The following SLC25A26 variants were observed in gnomAD, a reference collection of about 807,000 sequenced individuals.
SLC25A26 encodes the protein solute carrier family 25 member 26.
SLC25A26 carries 36 observed loss-of-function variants against 37.8 expected under a neutral mutation model. The observed-to-expected ratio is 0.95, with a 90% confidence interval of 0.73 to 1.26. The LOEUF (loss-of-function observed/expected upper bound fraction) is 1.26, where lower values mean the gene tolerates loss of function less well. SLC25A26 is among the 50% of genes most tolerant of loss of function. SLC25A26 has a pLI of 0.00. For synonymous variants in SLC25A26, 129 were observed against 122.5 expected (o/e 1.05, Z -0.35); for missense variants, 390 against 331.1 (o/e 1.18, Z -1.38).
chr3:66,266,376 G>A lies in SLC25A26; in HGVS notation c.453+2997G>A, dbSNP rs140449626. Reference sequence around the variant, plus strand: ...AATATAAAATCTTTTTGCCAAGAGCGTGTCTGTTGTTTCAATAAGAAAATA... The same window carrying A: ...AATATAAAATCTTTTTGCCAAGAGCATGTCTGTTGTTTCAATAAGAAAATA... On this transcript the variant is annotated intron_variant, in intron 5 of 9. Coordinates refer to ENST00000354883, the MANE Select transcript of SLC25A26 (RefSeq NM_001379210.1). Among the ~76,000 whole-genome samples, 5 of 152,234 alleles carry A rather than the reference G, an allele frequency of 3.3e-5. No individual in the cohort carries two copies. In the East Asian group the frequency reaches 9.6e-4, roughly 29 times the overall value.
chr3:66,156,692 T>C (rs530925105), intron 1 of SLC25A26, among the ~76,000 whole-genome samples: 3 of 152,198 alleles, frequency 2.0e-5, no homozygotes, highest in Non-Finnish European at 4.4e-5. Flanking sequence ...GGGCCACCCT[T>C]TGTAACTCTT....
intron 1 of SLC25A26, among the ~76,000 whole-genome samples, chr3:66,143,792 G>T (rs1238135224): frequency 6.6e-6 from 1 of 152,070 alleles, no homozygotes; most frequent in East Asian, 1.9e-4. Flanking sequence ...GAGATAGGAG[G>T]GTTGCTTGAG....
intron 1 of SLC25A26, among the ~76,000 whole-genome samples, chr3:66,163,870 C>G (rs2070391623): frequency 6.6e-6 from 1 of 152,052 alleles, no homozygotes; most frequent in African/African-American, 2.4e-5. Flanking sequence ...ATTTTGTGCC[C>G]CAGGGGGATA....
chr3:66,312,042 C>T (rs2075393643), intron 5 of SLC25A26, among the ~76,000 whole-genome samples: 1 of 152,234 alleles, frequency 6.6e-6, no homozygotes, highest in African/African-American at 2.4e-5. Flanking sequence ...CCACTCCTCT[C>T]TTCAGAGCTG....
chr3:66,289,896 A>G (rs1235283149), intron 5 of SLC25A26, among the ~76,000 whole-genome samples: 1 of 152,136 alleles, frequency 6.6e-6, no homozygotes, highest in Admixed American at 6.5e-5. Context: ...TGAATCTATA[A>G]ATTACTTTGA....
In SLC25A26 at chr3:66,308,065, G is replaced by T. The variant is rs140676342; in HGVS notation, c.454-38299G>T. ...AGTCAATGGTAGCTTGATGGGGGTA[G>T]CATTGAATCTATAAATTACTTTGGG... On this transcript the variant is annotated intron_variant, in intron 5 of 9. Transcript: ENST00000354883. Among the ~76,000 whole-genome samples the T allele has an allele frequency of 4.9e-3, 747 of 152,266 alleles. 10 individuals carry two copies. Among genetic ancestry groups the T allele is most frequent in the African/African-American group, 0.017 (701 of 41,548 alleles).
intron 1 of SLC25A26, among the ~76,000 whole-genome samples, chr3:66,223,640 T>C (rs148111936): frequency 6.6e-6 from 1 of 152,182 alleles, no homozygotes; most frequent in South Asian, 2.1e-4. Context: ...ATGAAAAGCC[T>C]AGATGATTGC....
intron 5 of SLC25A26, among the ~76,000 whole-genome samples, chr3:66,320,673 C>T (rs2075670254): frequency 6.6e-6 from 1 of 152,188 alleles, no homozygotes; most frequent in Admixed American, 6.5e-5. Flanking sequence ...CTGTTTTCCA[C>T]AGTGGCTGCA....
intron 9 of SLC25A26, among the ~76,000 whole-genome samples, chr3:66,371,969 C>T (rs1431960778): frequency 2.0e-5 from 3 of 152,088 alleles, no homozygotes; most frequent in African/African-American, 4.8e-5. Context: ...TGTGGTCGCA[C>T]GCACCTGTAG....
At chr3:66,311,712 T>G (rs1305973221) in intron 5 of SLC25A26, among the ~76,000 whole-genome samples, 2 of 152,128 alleles carry the variant, frequency 1.3e-5, no homozygotes, top group Non-Finnish European at 2.9e-5. Context: ...TGTTATTGCT[T>G]TATGTTTGTT....
chr3:66,172,467 A>C (rs1351474352), intron 1 of SLC25A26, among the ~76,000 whole-genome samples: 1 of 151,750 alleles, frequency 6.6e-6, no homozygotes, highest in Non-Finnish European at 1.5e-5. Context: ...AAGAAAGAAA[A>C]AAATAAATTT....
intron 5 of SLC25A26, among the ~76,000 whole-genome samples, chr3:66,295,018 A>G (rs1027383586): frequency 2.0e-5 from 3 of 152,232 alleles, no homozygotes; most frequent in East Asian, 1.9e-4. Context: ...AGTTAGACGT[A>G]TGCTGAATCT....
intron 6 of SLC25A26, among the ~76,000 whole-genome samples, chr3:66,348,704 G>C (rs2076382903): frequency 6.6e-6 from 1 of 152,194 alleles, no homozygotes; most frequent in Admixed American, 6.5e-5. Flanking sequence ...GAGATGTTAA[G>C]TATCAAGAAG....
At position 66,150,315 on chromosome 3, in the gene SLC25A26, T is replaced by C. The variant is rs991947575; in HGVS notation, c.-354+16331T>C. 1.5e-4 allele frequency among the ~76,000 whole-genome samples: 23 copies of C among 151,348 alleles called. No homozygotes were observed. In the East Asian group the frequency reaches 4.5e-3, roughly 30 times the overall value. ...GAGTTCAAGACCAGCCTGGCCAACA[T>C]GATGAAATCCTGTCTTTACTAAAAA... On this transcript the variant is annotated intron_variant, in intron 1 of 10. Transcript: ENST00000676754.
intron 1 of SLC25A26, among the ~76,000 whole-genome samples, chr3:66,152,511 GGA>G (rs1419255539): frequency 2.6e-5 from 4 of 152,134 alleles, no homozygotes; most frequent in Admixed American, 2.6e-4. Context: ...TGCCCTCCTT[GGA>G]GTGTCCTTTT....
At chr3:66,362,447 A>G (rs1242154661) in intron 6 of SLC25A26, among the ~76,000 whole-genome samples, 2 of 152,266 alleles carry the variant, frequency 1.3e-5, no homozygotes, top group South Asian at 4.1e-4. Flanking sequence ...ATGTGATTAC[A>G]ATGATATAAC....
chr3:66,278,739 G>C (rs568542017), intron 5 of SLC25A26, among the ~76,000 whole-genome samples: 65 of 152,250 alleles, frequency 4.3e-4, no homozygotes, highest in East Asian at 9.6e-4. Context: ...CTCTTGACAT[G>C]ATGAGGCTGT....
At position 66,369,473 on chromosome 3, in the gene SLC25A26, T is replaced by C; in HGVS notation, c.569-5T>C. Reference sequence around the variant, plus strand: ...TCACTTGGGTGTTGGGTATTATTTGTACAGGTGGATTTGCCGCTGCAGTCA... The same window carrying C: ...TCACTTGGGTGTTGGGTATTATTTGCACAGGTGGATTTGCCGCTGCAGTCA... On this transcript the variant is annotated splice_polypyrimidine_tract_variant and splice_region_variant and intron_variant, in intron 7 of 9. Coordinates refer to ENST00000354883, the MANE Select transcript of SLC25A26 (RefSeq NM_001379210.1). 6.2e-7 allele frequency: 1 copy of C among 1,600,974 alleles called. No individual in the cohort carries two copies. The highest frequency in any genetic ancestry group is 1.1e-5 in the South Asian group (1 of 87,956).
chr3:66,300,488 G>T (rs2075046103), intron 5 of SLC25A26, among the ~76,000 whole-genome samples: 1 of 151,866 alleles, frequency 6.6e-6, no homozygotes. Flanking sequence ...TTTCCTATTT[G>T]TCTTAAACAA....
Sources: gnomAD v4.1 joint callset for allele counts (sites outside exome capture counted in the v4.1 genomes callset) on GRCh38, gnomAD v4.1.1 for gene constraint, MANE v1.5 for transcripts, NCBI Gene and HGNC (gene_info 2026-07-23, HGNC 2026-07-21) for gene names.